Variants in NFYC observed in about 807,000 individuals in gnomAD.
NFYC encodes nuclear transcription factor Y subunit gamma.
NFYC carries 25 observed loss-of-function variants against 53.1 expected under a neutral mutation model. That is an observed-to-expected ratio of 0.47 (90% CI 0.34 to 0.66). NFYC has a LOEUF of 0.66. Ranked by LOEUF, NFYC falls within the 30% of genes least tolerant of loss-of-function variation. NFYC has a pLI of 0.01. For synonymous variants in NFYC, 145 were observed against 152.6 expected (o/e 0.95, Z 0.37); for missense variants, 260 against 422.7 (o/e 0.62, Z 3.38).
chr1:40,717,702 C>T, intron 1 of NFYC, among the ~76,000 whole-genome samples: 1 of 152,228 alleles, frequency 6.6e-6, no homozygotes, highest in African/African-American at 2.4e-5. Context: ...TATACCATAT[C>T]TCCATTTGGT....
chr1:40,732,943 G>C (rs765314092), intron 1 of NFYC, among the ~76,000 whole-genome samples: 100 of 150,316 alleles, frequency 6.7e-4, no homozygotes, highest in Non-Finnish European at 1.3e-3. Context: ...GGAATAGCTT[G>C]TGTAACCATT....
In NFYC at chr1:40,735,740, T is replaced by C. The variant is rs991580074; in HGVS notation, c.-8-3096T>C. ...AAGATGAGGCCTGTCCAGGGACCCA[T>C]GCAATAAAAGGTTAGATTCTTTTAA... On this transcript the variant is annotated intron_variant, in intron 1 of 9. Transcript: ENST00000447388. 23 of 985,314 alleles carry C rather than the reference T, an allele frequency of 2.3e-5. No individual in the cohort carries two copies. In the Middle Eastern group the frequency reaches 2.6e-3, roughly 111 times the overall value. 61.0% of individuals were successfully genotyped at this position (985,314 alleles called of 1,614,324 possible).
intron 2 of NFYC, among the ~76,000 whole-genome samples, chr1:40,740,870 A>T (rs1557843245): frequency 6.6e-6 from 1 of 152,046 alleles, no homozygotes. Flanking sequence ...GTGGCCAGAT[A>T]AACTCTGGAG....
chr1:40,742,105 C>T (rs1645380299), intron 2 of NFYC, among the ~76,000 whole-genome samples: 1 of 151,828 alleles, frequency 6.6e-6, no homozygotes. Context: ...AGATGGAGGT[C>T]TCACTATGTT....
At chr1:40,735,628 A>G (rs1202469971) in intron 1 of NFYC, 2 of 985,310 alleles carry the variant, frequency 2.0e-6, no homozygotes, top group Non-Finnish European at 2.4e-6. Flanking sequence ...AAACCTACCC[A>G]TCCATTAGCA....
intron 5 of NFYC, among the ~76,000 whole-genome samples, chr1:40,755,959 T>C (rs1646195340): frequency 6.6e-6 from 1 of 152,130 alleles, no homozygotes; most frequent in African/African-American, 2.4e-5. Context: ...AACTGGAGAC[T>C]AAACAATCAC....
chr1:40,730,195 CTTTTTTT>C (rs34045698), intron 1 of NFYC, among the ~76,000 whole-genome samples: 2,875 of 102,000 alleles, frequency 0.028, 45 homozygotes, highest in Middle Eastern at 0.045. Context: ...TCTTTCTTTT[CTTTTTTT>C]TTTTTTTTTT....
intron 2 of NFYC, among the ~76,000 whole-genome samples, chr1:40,740,380 C>T (rs1370396943): frequency 6.7e-6 from 1 of 149,970 alleles, no homozygotes; most frequent in Non-Finnish European, 1.5e-5. Flanking sequence ...AACATATATT[C>T]TGATGAGACA....
chr1:40,738,093 G>A (rs1452586094), intron 1 of NFYC, among the ~76,000 whole-genome samples: 2 of 151,954 alleles, frequency 1.3e-5, no homozygotes, highest in Admixed American at 6.6e-5. Context: ...TAGTAGAGAC[G>A]GGGTTTCACT....
chr1:40,737,901 C>CTTT (rs530348029), intron 1 of NFYC, among the ~76,000 whole-genome samples: 4 of 123,162 alleles, frequency 3.2e-5, no homozygotes, highest in African/African-American at 9.4e-5. Flanking sequence ...TGCTCTCTCT[C>CTTT]TTTTTTTTTT....
At chr1:40,737,626 G>C (rs1645109550) in intron 1 of NFYC, among the ~76,000 whole-genome samples, 1 of 152,084 alleles carries the variant, frequency 6.6e-6, no homozygotes, top group Non-Finnish European at 1.5e-5. Context: ...ACCGCACCTG[G>C]CCTCTCCTTC....
At chr1:40,717,609 T>C (rs925282332) in intron 1 of NFYC, among the ~76,000 whole-genome samples, 31 of 152,208 alleles carry the variant, frequency 2.0e-4, no homozygotes, top group African/African-American at 7.5e-4. Flanking sequence ...CCTTGATAAG[T>C]AAAAGACTAG....
At chr1:40,696,498 C>T (rs1240966393) in intron 1 of NFYC, among the ~76,000 whole-genome samples, 1 of 152,218 alleles carries the variant, frequency 6.6e-6, no homozygotes, top group African/African-American at 2.4e-5. Flanking sequence ...GTGAGATGAC[C>T]TTGACAGGGT....
At chr1:40,760,588 G>A (rs898010174) in intron 6 of NFYC, among the ~76,000 whole-genome samples, 6 of 151,916 alleles carry the variant, frequency 3.9e-5, no homozygotes, top group African/African-American at 1.5e-4. Flanking sequence ...GCGTGGTGGC[G>A]GGCGCCTATA....
intron 1 of NFYC, chr1:40,695,699 G>A (rs959467933): frequency 1.3e-5 from 2 of 152,136 alleles, no homozygotes; most frequent in Admixed American, 1.3e-4. Flanking sequence ...GGGATTATAG[G>A]CGTGAGCCAC....
chr1:40,742,826 C>A (rs1323459376), intron 2 of NFYC, among the ~76,000 whole-genome samples: 1 of 152,166 alleles, frequency 6.6e-6, no homozygotes, highest in Non-Finnish European at 1.5e-5. Flanking sequence ...ATTTTCCCCT[C>A]TTCTCAGGAG....
At chr1:40,730,442 A>G (rs998201265) in intron 1 of NFYC, 1 of 311,144 alleles carries the variant, frequency 3.2e-6, no homozygotes, top group African/African-American at 2.3e-5. Context: ...GCTGTGTCTC[A>G]GGTAATAGGG....
chr1:40,709,983 A>G (rs995270934), intron 1 of NFYC, among the ~76,000 whole-genome samples: 11 of 152,184 alleles, frequency 7.2e-5, no homozygotes, highest in Admixed American at 3.9e-4. Flanking sequence ...TTCTATTTCC[A>G]TGCACTTTGT....
At chr1:40,719,694 T>A (rs922744063) in intron 1 of NFYC, among the ~76,000 whole-genome samples, 4 of 152,242 alleles carry the variant, frequency 2.6e-5, no homozygotes, top group Admixed American at 6.5e-5. Flanking sequence ...TAAAAAGGCC[T>A]GGTGGATTTG....
Sources: allele counts gnomAD v4.1 joint callset (sites outside exome capture counted in the v4.1 genomes callset), GRCh38; gene constraint gnomAD v4.1.1; transcripts MANE v1.5; gene names NCBI Gene and HGNC (gene_info 2026-07-23, HGNC 2026-07-21).